ARV1: variants seen among roughly 807,000 people sequenced by gnomAD.
ARV1 encodes protein ARV1.
Under a neutral mutation model 31.1 loss-of-function variants are expected in ARV1, and 26 were observed. The observed-to-expected ratio is 0.84, with a 90% CI of 0.61 to 1.16. ARV1 has a LOEUF of 1.16. Among genes scored for constraint, ARV1 ranks in the 50% most tolerant of loss-of-function variants. ARV1 has a pLI of 0.00. For synonymous variants in ARV1, 117 were observed against 123.2 expected, an observed-to-expected ratio of 0.95 and a Z score of 0.34; for missense variants, 281 against 324.9, an observed-to-expected ratio of 0.86 and a Z score of 1.04.
intron 1 of ARV1, among the ~76,000 whole-genome samples, chr1:230,984,369 T>TGC (rs1278300143): frequency 0.01 from 902 of 88,504 alleles, 5 homozygotes; most frequent in Middle Eastern, 0.037. Flanking sequence ...TGTGCGTGTG[T>TGC]GTGTGTGTGT....
intron 3 of ARV1, chr1:230,990,672 G>A (rs1321290871): frequency 2.9e-5 from 10 of 349,820 alleles, no homozygotes; most frequent in Middle Eastern, 3.8e-4. Context: ...CTCCTGCCTC[G>A]GCCCCCCCAG....
rs745779792 is a variant in ARV1 at position 230,979,155 on chromosome 1, A to C, written c.50A>C (p.Asp17Ala). ...CTGCAGCAGGGGAAGGGGAACGTGG[A>C]TGGGGTGGCAGCGACTCCTACTGCT... The part of the protein sequence containing the change: ...SGLQQGKGNV[D>A]GVAATPTAAS... The change falls in exon 1 of 6, where the codon GAT becomes GCT. Residue 17 changes from aspartate to alanine, a missense_variant. Transcript: ENST00000310256. 1 of 1,610,798 alleles carries C rather than the reference A, an allele frequency of 6.2e-7. No homozygotes were observed. The highest frequency in any genetic ancestry group is 8.5e-7 in the Non-Finnish European group (1 of 1,179,360).
At chr1:230,984,774 G>A (rs200877277) in intron 1 of ARV1, among the ~76,000 whole-genome samples, 1,951 of 103,268 alleles carry the variant, frequency 0.019, no homozygotes, top group South Asian at 0.029. Context: ...GAAGAGCAAC[G>A]GTACCAGGTG....
rs1679398231 is a variant in ARV1, at chr1:230,997,290, A to G, written c.*4+23A>G. The G allele has an allele frequency of 2.5e-6, 4 of 1,610,856 alleles. No individual in the cohort carries two copies. In the Admixed American group the frequency reaches 6.7e-5, roughly 27 times the overall value. Reference sequence around the variant, plus strand: ...GAGGTACTGAAAGCATGTAGTGTTCATGCATTCAGACATGTAGCCTTCTCA... The same window carrying G: ...GAGGTACTGAAAGCATGTAGTGTTCGTGCATTCAGACATGTAGCCTTCTCA... On this transcript the variant is annotated intron_variant, in intron 5 of 5. Transcript: ENST00000310256.
At chr1:230,980,777 A>T (rs113738425) in intron 1 of ARV1, among the ~76,000 whole-genome samples, 3 of 151,544 alleles carry the variant, frequency 2.0e-5, no homozygotes, top group Non-Finnish European at 1.5e-5. Flanking sequence ...AAAAAAAAAA[A>T]AACCAACACC....
Position 230,990,269 on chromosome 1 carries a change from G to A in ARV1, c.448+6G>A. On this transcript the variant is annotated splice_donor_region_variant and intron_variant, in intron 3 of 5. Coordinates refer to ENST00000310256, the MANE Select transcript of ARV1 (RefSeq NM_022786.3). ...GTTTGCGATTGCTGCTTTAGGTAAG[G>A]AGATGCCATGCTTTCCATTCTTAGT... 1 of 1,612,626 alleles carries A rather than the reference G, an allele frequency of 6.2e-7. No homozygotes were observed. Among genetic ancestry groups the A allele is most frequent in the Non-Finnish European group, 8.5e-7 (1 of 1,179,758 alleles).
chr1:230,985,135 A>T (rs1026181924), intron 1 of ARV1, among the ~76,000 whole-genome samples: 1 of 152,226 alleles, frequency 6.6e-6, no homozygotes, highest in Non-Finnish European at 1.5e-5. Flanking sequence ...TAGAGTAAAA[A>T]CAAGGTTAGG....
intron 1 of ARV1, among the ~76,000 whole-genome samples, chr1:230,985,559 G>A (rs1271866138): frequency 6.6e-6 from 1 of 152,224 alleles, no homozygotes; most frequent in Non-Finnish European, 1.5e-5. Flanking sequence ...AACAGCTGCT[G>A]TGTCTCCTGG....
intron 3 of ARV1, among the ~76,000 whole-genome samples, chr1:230,993,296 C>A (rs1345168315): frequency 6.6e-5 from 10 of 152,070 alleles, no homozygotes; most frequent in Non-Finnish European, 1.3e-4. Context: ...GTATCTTACT[C>A]TGTTGTCCAG....
intron 1 of ARV1, among the ~76,000 whole-genome samples, chr1:230,984,371 T>TGCGTGC (rs1189194460): frequency 4.7e-4 from 40 of 85,572 alleles, no homozygotes; most frequent in South Asian, 3.4e-3. Flanking sequence ...TGCGTGTGTG[T>TGCGTGC]GTGTGTGTGT....
At chr1:230,983,412 CA>C (rs386369944) in intron 1 of ARV1, among the ~76,000 whole-genome samples, 1,271 of 106,376 alleles carry the variant, frequency 0.012, 16 homozygotes, top group African/African-American at 0.034. Context: ...GACTCCGTCT[CA>C]AAAAAAAAAA....
At chr1:230,995,628 T>C in intron 3 of ARV1, 132 bp from the exon 4 acceptor site, 1 of 665,166 alleles carries the variant, frequency 1.5e-6, no homozygotes. Context: ...GAAAAAGAGA[T>C]TGTGATCTTG....
rs574953795 is a variant in ARV1 at position 230,989,598 on chromosome 1, C to G, written c.295-512C>G. ...TTTAACATATTGAGTCATACTCATC[C>G]AGCTGGAGATATTTTTAAAAAACTG... On this transcript the variant is annotated intron_variant, in intron 2 of 5. Coordinates refer to ENST00000310256, the MANE Select transcript of ARV1 (RefSeq NM_022786.3). Among the ~76,000 whole-genome samples, 28 of 152,194 alleles carry G rather than the reference C, an allele frequency of 1.8e-4. No individual in the cohort carries two copies. In the South Asian group the frequency reaches 5.8e-3, roughly 32 times the overall value.
chr1:230,996,851 G>A (rs10864649), intron 4 of ARV1, among the ~76,000 whole-genome samples: 2 of 151,942 alleles, frequency 1.3e-5, no homozygotes, highest in Non-Finnish European at 2.9e-5. Context: ...CTCTTATAGC[G>A]TTAGAATTTT....
intron 1 of ARV1, among the ~76,000 whole-genome samples, chr1:230,983,518 A>G (rs546502397): frequency 3.3e-5 from 5 of 152,226 alleles, no homozygotes; most frequent in South Asian, 2.1e-4. Flanking sequence ...CAAAACTCCT[A>G]TAAGAGTCTC....
At chr1:230,993,703 T>A (rs1679289923) in intron 3 of ARV1, among the ~76,000 whole-genome samples, 1 of 152,158 alleles carries the variant, frequency 6.6e-6, no homozygotes, top group Non-Finnish European at 1.5e-5. Flanking sequence ...GAAACCAGCC[T>A]GGGCAACATG....
chr1:230,984,021 G>A (rs112180254), intron 1 of ARV1, among the ~76,000 whole-genome samples: 1 of 152,220 alleles, frequency 6.6e-6, no homozygotes. Flanking sequence ...GATCACTTGA[G>A]GTCAGTAGTT....
At chr1:230,985,970 G>A (rs978188752) in intron 1 of ARV1, among the ~76,000 whole-genome samples, 3 of 151,578 alleles carry the variant, frequency 2.0e-5, no homozygotes, top group Admixed American at 1.3e-4. Context: ...AGGCTGGAGT[G>A]CAGTGGCGTG....
At chr1:230,979,925 T>C (rs1187717791) in intron 1 of ARV1, among the ~76,000 whole-genome samples, 4 of 152,224 alleles carry the variant, frequency 2.6e-5, no homozygotes, top group Non-Finnish European at 4.4e-5. Context: ...GAGAATAATC[T>C]TATGTTTAAA....
Sources: allele counts gnomAD v4.1 joint callset (sites outside exome capture counted in the v4.1 genomes callset), GRCh38; gene constraint gnomAD v4.1.1; transcripts MANE v1.5; gene names NCBI Gene and HGNC (gene_info 2026-07-23, HGNC 2026-07-21).